The following RAB27A variants were observed in gnomAD, a reference collection of about 807,000 sequenced individuals.
The protein encoded by RAB27A is RAB27A, member RAS oncogene family.
RAB27A carries 17 observed loss-of-function variants against 20.8 expected under a neutral mutation model. The observed-to-expected ratio is 0.82, with a 90% confidence interval of 0.56 to 1.23. The LOEUF (loss-of-function observed/expected upper bound fraction) is 1.23, where lower values mean the gene tolerates loss of function less well. Among genes scored for constraint, RAB27A ranks in the 50% most tolerant of loss-of-function variants. The pLI is 0.00. For missense variants in RAB27A, 277 were observed against 266.7 expected (o/e 1.04, Z -0.27); for synonymous variants, 85 against 92.8 (o/e 0.92, Z 0.48).
At chr15:55,283,957 A>C (rs1898083924) in intron 1 of RAB27A, among the ~76,000 whole-genome samples, 1 of 152,224 alleles carries the variant, frequency 6.6e-6, no homozygotes, top group Non-Finnish European at 1.5e-5. Flanking sequence ...TGGTGGGATC[A>C]GGCCAAGGTA....
At chr15:55,272,332 G>A (rs1405279150) in intron 1 of RAB27A, among the ~76,000 whole-genome samples, 2 of 152,182 alleles carry the variant, frequency 1.3e-5, no homozygotes, top group Non-Finnish European at 2.9e-5. Context: ...CCGGGAGGCG[G>A]AGCTTGCAGT....
At chr15:55,303,920 TGAG>T (rs1447281210) in intron 2 of RAB27A, among the ~76,000 whole-genome samples, 36 of 145,384 alleles carry the variant, frequency 2.5e-4, no homozygotes, top group African/African-American at 9.3e-4. Flanking sequence ...TACTGGGAAG[TGAG>T]GAGCCCCTCT....
chr15:55,294,883 C>T (rs755096624), intron 2 of RAB27A, among the ~76,000 whole-genome samples: 2 of 152,018 alleles, frequency 1.3e-5, no homozygotes, highest in African/African-American at 2.4e-5. Context: ...AGCACACTAT[C>T]AACAGAGTGA....
rs1428710190 is a variant in RAB27A at position 55,270,206 on chromosome 15, G to A, written c.-64C>T. 2 of 151,604 alleles carry A rather than the reference G, an allele frequency of 1.3e-5. No individual in the cohort carries two copies. Among genetic ancestry groups the A allele is most frequent in the Non-Finnish European group, 2.9e-5 (2 of 67,974 alleles). 9.4% of individuals were successfully genotyped at this position (151,604 alleles called of 1,614,324 possible). A position where few individuals can be genotyped will look rare whatever the true frequency, so the allele number is the denominator to read the frequency against. On this transcript the variant is annotated 5_prime_UTR_variant, in exon 2 of 7. It adds an upstream start codon to the 5' untranslated region. Coordinates refer to ENST00000336787, the MANE Select transcript of RAB27A (RefSeq NM_183235.3). ...ACCGCTTGTTATGATTTTCTAAAAC[G>A]TTAGAGACTGGAGTTACCAATGCTT... is the stretch of plus-strand genomic sequence containing the variant.
At chr15:55,248,043 C>A (rs1288992026) in intron 2 of RAB27A, among the ~76,000 whole-genome samples, 1 of 151,680 alleles carries the variant, frequency 6.6e-6, no homozygotes, top group Non-Finnish European at 1.5e-5. Context: ...ACGCCATTCT[C>A]CTGCCTCAGC....
At chr15:55,213,923 C>A (rs952359546) in intron 6 of RAB27A, among the ~76,000 whole-genome samples, 2 of 152,190 alleles carry the variant, frequency 1.3e-5, no homozygotes, top group African/African-American at 4.8e-5. Context: ...ACCACCCACA[C>A]CTCCACTGGT....
intron 6 of RAB27A, among the ~76,000 whole-genome samples, chr15:55,215,936 A>G (rs1488005324): frequency 7.8e-6 from 1 of 128,618 alleles, no homozygotes; most frequent in Non-Finnish European, 1.6e-5. Flanking sequence ...ACAGAGGGAG[A>G]CGCCGTCTCA....
intron 3 of RAB27A, among the ~76,000 whole-genome samples, chr15:55,233,807 G>A (rs564847476): frequency 6.4e-4 from 97 of 152,074 alleles, no homozygotes; most frequent in African/African-American, 2.3e-3. Context: ...CTTTTTTTGT[G>A]AATTATATCT....
At chr15:55,308,607 C>T (rs1370211347) in intron 2 of RAB27A, among the ~76,000 whole-genome samples, 3 of 152,186 alleles carry the variant, frequency 2.0e-5, no homozygotes, top group Admixed American at 1.3e-4. Context: ...CCCCCTCGAG[C>T]GGTGTAGGTT....
At chr15:55,288,548 A>AAT (rs977325399) in intron 1 of RAB27A, among the ~76,000 whole-genome samples, 6 of 152,096 alleles carry the variant, frequency 3.9e-5, no homozygotes, top group African/African-American at 1.4e-4. Context: ...AAATAGATTA[A>AAT]ATATACTTCA....
chr15:55,241,239 G>C, intron 2 of RAB27A, among the ~76,000 whole-genome samples: 1 of 152,136 alleles, frequency 6.6e-6, no homozygotes. Flanking sequence ...GTACTGCCTT[G>C]AGAAAAGTGC....
chr15:55,304,557 CT>C (rs1262818912), intron 2 of RAB27A, among the ~76,000 whole-genome samples: 1 of 152,168 alleles, frequency 6.6e-6, no homozygotes, highest in Non-Finnish European at 1.5e-5. Context: ...CACTAATCTA[CT>C]TTCTGTCTCT....
intron 3 of RAB27A, 107 bp from the exon 4 acceptor site, chr15:55,230,593 A>C: frequency 3.6e-6 from 3 of 824,386 alleles, no homozygotes; most frequent in Non-Finnish European, 6.1e-6. Context: ...AATTCCAAAG[A>C]GAATGCCATC....
intron 2 of RAB27A, among the ~76,000 whole-genome samples, chr15:55,304,645 G>T (rs79143858): frequency 6.6e-6 from 1 of 151,910 alleles, no homozygotes; most frequent in Non-Finnish European, 1.5e-5. Flanking sequence ...GGCTTATTTC[G>T]TAATGTATTC....
chr15:55,219,480 C>G (rs1895464124), intron 6 of RAB27A, among the ~76,000 whole-genome samples: 1 of 152,164 alleles, frequency 6.6e-6, no homozygotes, highest in African/African-American at 2.4e-5. Context: ...AAAGTGTTGT[C>G]TTGAACCAGC....
At chr15:55,268,188 A>G (rs1897574054) in intron 2 of RAB27A, among the ~76,000 whole-genome samples, 1 of 151,658 alleles carries the variant, frequency 6.6e-6, no homozygotes, top group Admixed American at 6.6e-5. Context: ...AAGAACCTTG[A>G]CAGAGAATGT....
intron 6 of RAB27A, among the ~76,000 whole-genome samples, chr15:55,210,001 T>C (rs1894898981): frequency 6.9e-6 from 1 of 144,162 alleles, no homozygotes; most frequent in African/African-American, 2.6e-5. Context: ...CGCATATATG[T>C]GTGTACATGT....
intron 6 of RAB27A, chr15:55,206,162 T>A (rs576214189): frequency 2.4e-4 from 49 of 207,590 alleles, no homozygotes; most frequent in African/African-American, 1.2e-3. Flanking sequence ...AGTGAGCCAA[T>A]ATTGTGCCAC....
At chr15:55,226,179 C>A (rs1330601624) in intron 5 of RAB27A, among the ~76,000 whole-genome samples, 1 of 152,124 alleles carries the variant, frequency 6.6e-6, no homozygotes, top group Non-Finnish European at 1.5e-5. Context: ...TGAAGAGTGA[C>A]TCTGGGCATG....
Sources: allele counts gnomAD v4.1 joint callset (sites outside exome capture counted in the v4.1 genomes callset), GRCh38; gene constraint gnomAD v4.1.1; transcripts MANE v1.5; gene names NCBI Gene and HGNC (gene_info 2026-07-23, HGNC 2026-07-21).